The following ZNF385B variants were observed in gnomAD, a reference collection of about 807,000 sequenced individuals.
ZNF385B encodes the protein zinc finger protein 533.
ZNF385B carries 23 observed loss-of-function variants against 39.2 expected under a neutral mutation model. That is an observed-to-expected ratio of 0.59 (90% CI 0.42 to 0.83). ZNF385B has a LOEUF of 0.83. Ranked by LOEUF, ZNF385B falls within the 40% of genes least tolerant of loss-of-function variation. ZNF385B has a pLI of 0.00. For missense variants in ZNF385B, 552 were observed against 598.9 expected (o/e 0.92, Z 0.82); for synonymous variants, 205 against 222.6 (o/e 0.92, Z 0.70).
At chr2:179,610,019 C>T (rs1326084373) in intron 3 of ZNF385B, among the ~76,000 whole-genome samples, 4 of 152,188 alleles carry the variant, frequency 2.6e-5, no homozygotes, top group Non-Finnish European at 5.9e-5. Flanking sequence ...GTAATCTCCT[C>T]ACCTTGTTGA....
chr2:179,719,360 C>T (rs1700536240), intron 3 of ZNF385B, among the ~76,000 whole-genome samples: 1 of 152,220 alleles, frequency 6.6e-6, no homozygotes, highest in African/African-American at 2.4e-5. Flanking sequence ...TCCCTGCACC[C>T]AGGTGAAAGG....
At chr2:179,808,233 C>T (rs1025218676) in intron 1 of ZNF385B, among the ~76,000 whole-genome samples, 4 of 152,080 alleles carry the variant, frequency 2.6e-5, no homozygotes, top group African/African-American at 4.8e-5. Flanking sequence ...GGGGTTTCAC[C>T]GTGTTAGCCA....
intron 7 of ZNF385B, 145 bp from the exon 8 acceptor site, chr2:179,445,873 A>C: frequency 2.8e-6 from 2 of 725,522 alleles, no homozygotes; most frequent in African/African-American, 3.7e-5. Context: ...TTTTAAATTT[A>C]ACACGTTATT....
In ZNF385B at chr2:179,716,540, T is replaced by C. The variant is rs114728229; in HGVS notation, c.298+52963A>G. On this transcript the variant is annotated intron_variant, in intron 3 of 9. Coordinates refer to ENST00000410066, the MANE Select transcript of ZNF385B (RefSeq NM_152520.6). ...ATTATGTATCTGATTTACTTAAAAA[T>C]TGTGTAGCAAACAGTATATTCCAAA... 7.1e-3 allele frequency among the ~76,000 whole-genome samples: 1,075 copies of C among 152,328 alleles called. 11 individuals are homozygous for C. The highest frequency in any genetic ancestry group is 0.022 in the African/African-American group (921 of 41,568).
intron 3 of ZNF385B, among the ~76,000 whole-genome samples, chr2:179,658,770 A>G (rs1316555976): frequency 1.3e-5 from 2 of 152,172 alleles, no homozygotes; most frequent in Non-Finnish European, 2.9e-5. Context: ...AACATTCCTT[A>G]AAATAGTTAC....
chr2:179,747,610 T>C (rs2106463080), intron 3 of ZNF385B, among the ~76,000 whole-genome samples: 1 of 152,270 alleles, frequency 6.6e-6, no homozygotes, highest in Non-Finnish European at 1.5e-5. Flanking sequence ...CCTAAAAATC[T>C]TTTTATTATT....
At chr2:179,616,960 A>G (rs1012180743) in intron 3 of ZNF385B, among the ~76,000 whole-genome samples, 2 of 152,144 alleles carry the variant, frequency 1.3e-5, no homozygotes, top group African/African-American at 4.8e-5. Flanking sequence ...CTTTACAAAA[A>G]GCTGCATCTC....
At chr2:179,779,507 G>A (rs1008645274) in intron 1 of ZNF385B, among the ~76,000 whole-genome samples, 1 of 152,196 alleles carries the variant, frequency 6.6e-6, no homozygotes, top group African/African-American at 2.4e-5. Context: ...TTTCAGCTGT[G>A]AAAAAAATCA....
At chr2:179,564,385 A>T (rs1428262040) in intron 3 of ZNF385B, among the ~76,000 whole-genome samples, 1 of 152,178 alleles carries the variant, frequency 6.6e-6, no homozygotes, top group Non-Finnish European at 1.5e-5. Flanking sequence ...ATGGATCCAA[A>T]GGAGGCACCA....
At chr2:179,793,585 T>C (rs1705475814) in intron 1 of ZNF385B, among the ~76,000 whole-genome samples, 1 of 152,210 alleles carries the variant, frequency 6.6e-6, no homozygotes, top group Non-Finnish European at 1.5e-5. Flanking sequence ...ATGTAAGACG[T>C]GCCTGCTTTC....
Position 179,493,784 on chromosome 2 carries a change from C to CATATATGTATACGTATATGTATATGCAT in ZNF385B, c.553-10351_553-10350insATGCATATACATATACGTATACATATAT, listed in dbSNP as rs1559338478. ...ATATGTATACATATATGTATATACA[C>CATATATGTATACGTATATGTATATGCAT]ATATGTATACATATATGTATATATA... On this transcript the variant is annotated intron_variant, in intron 5 of 9. Transcript: ENST00000410066. 2.3e-5 allele frequency among the ~76,000 whole-genome samples: 2 copies of CATATATGTATACGTATATGTATATGCAT among 88,512 alleles called. 1 individual carries two copies. Among genetic ancestry groups the CATATATGTATACGTATATGTATATGCAT allele is most frequent in the Non-Finnish European group, 4.7e-5 (2 of 42,108 alleles). 58.1% of individuals were successfully genotyped at this position (88,512 alleles called of 152,430 possible).
chr2:179,580,823 A>G (rs1360514019), intron 3 of ZNF385B, among the ~76,000 whole-genome samples: 1 of 152,200 alleles, frequency 6.6e-6, no homozygotes, highest in Non-Finnish European at 1.5e-5. Flanking sequence ...AGCTGGTATC[A>G]TGTTCATCCG....
At chr2:179,762,802 C>T (rs906218778) in intron 3 of ZNF385B, among the ~76,000 whole-genome samples, 1 of 152,200 alleles carries the variant, frequency 6.6e-6, no homozygotes, top group African/African-American at 2.4e-5. Context: ...GAATTCTCCA[C>T]TGAAACCATA....
At chr2:179,466,948 A>AGG (rs2052105311) in intron 6 of ZNF385B, among the ~76,000 whole-genome samples, 1 of 126,016 alleles carries the variant, frequency 7.9e-6, no homozygotes, top group South Asian at 3.0e-4. Flanking sequence ...AAAAAAAGAG[A>AGG]GAGAGAAAGG....
At chr2:179,792,375 C>CTT (rs374147864) in intron 1 of ZNF385B, among the ~76,000 whole-genome samples, 11,651 of 124,086 alleles carry the variant, frequency 0.094, 1,052 homozygotes, top group Non-Finnish European at 0.11. Flanking sequence ...ATTTTCTTTT[C>CTT]TTTTTTTTTT....
intron 4 of ZNF385B, among the ~76,000 whole-genome samples, chr2:179,521,139 C>T (rs1400949980): frequency 6.6e-6 from 1 of 151,950 alleles, no homozygotes; most frequent in African/African-American, 2.4e-5. Context: ...TAGCTGCCTA[C>T]ATAATTTTTT....
intron 3 of ZNF385B, among the ~76,000 whole-genome samples, chr2:179,655,154 T>G (rs1389189280): frequency 6.6e-6 from 1 of 152,172 alleles, no homozygotes; most frequent in African/African-American, 2.4e-5. Flanking sequence ...ATAAATGTGT[T>G]GCCTACATAC....
At chr2:179,762,447 C>T (rs1425506816) in intron 3 of ZNF385B, among the ~76,000 whole-genome samples, 2 of 152,162 alleles carry the variant, frequency 1.3e-5, no homozygotes, top group Non-Finnish European at 2.9e-5. Flanking sequence ...CCACTTCAGC[C>T]TCCCAAAGTG....
chr2:179,560,732 C>T (rs1574805192), intron 3 of ZNF385B, among the ~76,000 whole-genome samples: 1 of 152,112 alleles, frequency 6.6e-6, no homozygotes, highest in East Asian at 1.9e-4. Context: ...TCTTTCATCT[C>T]TTTGTCTTTG....
Sources: gnomAD v4.1 joint callset for allele counts (sites outside exome capture counted in the v4.1 genomes callset) on GRCh38, gnomAD v4.1.1 for gene constraint, MANE v1.5 for transcripts, NCBI Gene and HGNC (gene_info 2026-07-23, HGNC 2026-07-21) for gene names.